The following HMCN2 variants were observed in gnomAD, a reference collection of about 807,000 sequenced individuals.
HMCN2 encodes the protein hemicentin-2.
In HMCN2, 325 loss-of-function variants were observed where a neutral mutation model predicts 377.5. The observed-to-expected ratio is 0.86, with a 90% CI of 0.79 to 0.94. The LOEUF (loss-of-function observed/expected upper bound fraction) is 0.94, where lower values mean the gene tolerates loss of function less well. Ranked by LOEUF, HMCN2 falls within the 40% of genes least tolerant of loss-of-function variation. The pLI, the probability that HMCN2 is intolerant of heterozygous loss-of-function variation, is 0.00. For synonymous variants in HMCN2, 2,007 were observed against 2,046.8 expected (o/e 0.98, Z 0.53); for missense variants, 4,543 against 4,725.3 (o/e 0.96, Z 1.13).
rs1564871799 is a variant in HMCN2 at position 130,413,590 on chromosome 9, AAGG to A, written c.12961+2943_12961+2945del. On this transcript the variant is annotated intron_variant, in intron 85 of 97. Coordinates refer to ENST00000683500, the MANE Select transcript of HMCN2 (RefSeq NM_001291815.2). ...AGAGCCTCTGAAAAGTAGAGAAAAG[AAGG>A]AGGATAGACTACCGATCTTGGGACC... Among the ~76,000 whole-genome samples, 3 of 151,742 alleles carry A rather than the reference AAGG, an allele frequency of 2.0e-5. 1 individual carries two copies. Among genetic ancestry groups the A allele is most frequent in the African/African-American group, 7.3e-5 (3 of 41,374 alleles).
intron 25 of HMCN2, among the ~76,000 whole-genome samples, chr9:130,343,838 G>A (rs935474950): frequency 3.3e-4 from 50 of 152,212 alleles, no homozygotes; most frequent in Non-Finnish European, 5.6e-4. Flanking sequence ...GGCTCGGAGC[G>A]CTCTGAGGGC....
intron 4 of HMCN2, among the ~76,000 whole-genome samples, chr9:130,289,777 G>A (rs898376062): frequency 2.6e-5 from 4 of 152,164 alleles, no homozygotes; most frequent in Admixed American, 6.5e-5. Flanking sequence ...CGAGTGCCCA[G>A]GGTGCCCAGC....
At position 130,430,496 on chromosome 9, in the gene HMCN2, A is replaced by G; in HGVS notation, c.14539A>G (p.Thr4847Ala). ...GCGGCCCTGGGCCTCGATCCCCGGT[A>G]CCTCCTACCACGCCTGGGTCTCTCT... ...WLRPWASIPG[T>A]SYHAWVSLRP... is the part of the protein sequence containing the mutation. The change falls in exon 95 of 98, where the codon ACC (threonine) becomes GCC (alanine). Residue 4847 changes from threonine to alanine, a missense_variant. Physicochemically the swap from Thr to Ala is moderately conservative, Grantham distance 58 (BLOSUM62 0). Around this residue, in one of 5 missense-constraint regions of HMCN2, gnomAD observed 1,155 missense variants for 1,157.7 expected, o/e 1.00. Transcript: ENST00000683500. 3 of 1,550,400 alleles carry G rather than the reference A, an allele frequency of 1.9e-6. No homozygotes were observed. The highest frequency in any genetic ancestry group is 8.7e-7 in the Non-Finnish European group (1 of 1,146,900).
chr9:130,349,672 C>T lies in HMCN2; in HGVS notation c.4430+9C>T. The T allele has an allele frequency of 7.7e-7, 1 of 1,300,524 alleles. No homozygotes were observed. The highest frequency in any genetic ancestry group is 1.0e-6 in the Non-Finnish European group (1 of 986,412). The allele number at this position is 1,300,524 out of a possible 1,614,324, so 80.6% of individuals were successfully genotyped here. ...TGGACCAAGGACAGGCAGTGAGTGC[C>T]CCCCTCCCCGAGGATGGCGTGTGGT... is the stretch of plus-strand genomic sequence containing the variant. On this transcript the variant is annotated intron_variant, in intron 29 of 97. Transcript: ENST00000683500.
In HMCN2 at chr9:130,398,700, GC is replaced by G. The variant is rs1323995447; in HGVS notation, c.11478del (p.Tyr3827ThrfsTer26). On this transcript the variant is annotated frameshift_variant, in exon 75 of 98. Transcript: ENST00000683500. LOFTEE classifies it high-confidence loss of function. Reference sequence around the variant, plus strand: ...GCTGGACTTCCGCCTGCAGCAGGGCGCCTACCGGTAACGAGCTGGACTTTGC... The same window carrying G: ...GCTGGACTTCCGCCTGCAGCAGGGCGCTACCGGTAACGAGCTGGACTTTGC... The part of the protein sequence containing the change: ...QKLDFRLQQG[A>X]YRLLPSNALL... 1.6e-6 allele frequency: 2 copies of G among 1,289,154 alleles called. No homozygotes were observed. The highest frequency in any genetic ancestry group is 3.0e-5 in the African/African-American group (2 of 65,868). 79.9% of individuals were successfully genotyped at this position (1,289,154 alleles called of 1,614,324 possible).
intron 15 of HMCN2, among the ~76,000 whole-genome samples, chr9:130,318,951 A>C (rs1475495148): frequency 2.6e-5 from 4 of 152,198 alleles, no homozygotes; most frequent in South Asian, 4.1e-4. Context: ...TGGAAATGGC[A>C]GCTGAGTCCC....
chr9:130,397,929 C>G (rs1842683737), intron 74 of HMCN2, among the ~76,000 whole-genome samples: 1 of 151,878 alleles, frequency 6.6e-6, no homozygotes, highest in Non-Finnish European at 1.5e-5. Flanking sequence ...AGGAGGATCA[C>G]TTGATCCCAG....
intron 15 of HMCN2, among the ~76,000 whole-genome samples, chr9:130,312,885 C>G (rs1486842259): frequency 1.3e-5 from 2 of 152,040 alleles, no homozygotes; most frequent in East Asian, 3.9e-4. Flanking sequence ...AGGCTGAACT[C>G]CTGACCTCAG....
At chr9:130,286,480 C>T (rs1428832711) in intron 4 of HMCN2, among the ~76,000 whole-genome samples, 170 bp downstream of exon 4, 5 of 152,214 alleles carry the variant, frequency 3.3e-5, no homozygotes, top group South Asian at 4.1e-4. Flanking sequence ...GCACAGGACG[C>T]GCTGTGCTCA....
intron 23 of HMCN2, among the ~76,000 whole-genome samples, chr9:130,340,769 C>T (rs898613011): frequency 3.9e-5 from 6 of 152,198 alleles, no homozygotes; most frequent in African/African-American, 1.4e-4. Flanking sequence ...CTGCCCACCT[C>T]GGCCTCCCAC....
chr9:130,333,328 G>A (rs1838527013), intron 22 of HMCN2, among the ~76,000 whole-genome samples: 1 of 152,144 alleles, frequency 6.6e-6, no homozygotes. Flanking sequence ...TGCAGCAAAG[G>A]TGTGTGCCGG....
Position 130,384,388 on chromosome 9 carries a change from C to T in HMCN2, c.8846C>T (p.Ala2949Val), listed in dbSNP as rs573657973. 72 of 1,299,038 alleles carry T rather than the reference C, an allele frequency of 5.5e-5. 1 individual carries two copies. In the Middle Eastern group the frequency reaches 1.1e-3, roughly 19 times the overall value. 80.5% of individuals were successfully genotyped at this position (1,299,038 alleles called of 1,614,324 possible). Residue 2949 changes from alanine (A) to valine (V), a missense_variant, in exon 58 of 98, where the codon GCA becomes GTA. This residue lies in a region of HMCN2 where 736 missense variants were observed against 773.2 expected (regional missense o/e 0.95). Transcript: ENST00000683500. ...TLRVQVPPRIAGLDLEQVTAI... is the reference protein window; with the variant it reads ...TLRVQVPPRIVGLDLEQVTAI... ...GTGGGGATAGTCCCGCCACGAATCG[C>T]AGGCCTGGACTTGGAGCAGGTCACT...
In HMCN2 at chr9:130,394,361, G is replaced by A. The variant is rs1271609764; in HGVS notation, c.10502-24G>A. The A allele has an allele frequency of 2.3e-6, 3 of 1,278,788 alleles. No individual in the cohort carries two copies. In the African/African-American group the frequency reaches 4.6e-5, roughly 19 times the overall value. 79.2% of individuals were successfully genotyped at this position (1,278,788 alleles called of 1,614,324 possible). ...TCCCGGAAATGTGTGTCAATTGTGT[G>A]TTCCCCTCCATGGTGGCTTGCAGAG... On this transcript the variant is annotated intron_variant, in intron 68 of 97. Transcript: ENST00000683500. The surrounding 1 kb of genome is among the most constrained non-coding windows in gnomAD (Gnocchi z 5.1).
chr9:130,281,320 A>G (rs1554925599), intron 1 of HMCN2, among the ~76,000 whole-genome samples: 2 of 152,016 alleles, frequency 1.3e-5, no homozygotes, highest in Non-Finnish European at 2.9e-5. Flanking sequence ...TCTCCTCTGT[A>G]AAAATGTGGG....
chr9:130,341,823 A>T (rs1230853476), intron 24 of HMCN2, among the ~76,000 whole-genome samples: 8 of 152,072 alleles, frequency 5.3e-5, no homozygotes, highest in Non-Finnish European at 1.2e-4. Context: ...TGTGTGAAGC[A>T]CCTGGCGCAT....
intron 66 of HMCN2, among the ~76,000 whole-genome samples, 156 bp downstream of exon 66, chr9:130,392,274 A>C (rs1188448418): frequency 6.6e-6 from 1 of 152,194 alleles, no homozygotes; most frequent in Non-Finnish European, 1.5e-5. Context: ...TAATGCTAGG[A>C]TGGGTCTCAG....
intron 31 of HMCN2, among the ~76,000 whole-genome samples, chr9:130,353,919 C>T (rs1839878280): frequency 6.6e-6 from 1 of 152,078 alleles, no homozygotes; most frequent in Non-Finnish European, 1.5e-5. Context: ...CGTGGGGAGT[C>T]ACTTTGGGAG....
chr9:130,332,344 C>T (rs945580253), intron 22 of HMCN2, among the ~76,000 whole-genome samples: 10 of 152,206 alleles, frequency 6.6e-5, no homozygotes, highest in Admixed American at 4.6e-4. Flanking sequence ...TCGCTGTGCC[C>T]TGGCCAGCTC....
intron 39 of HMCN2, among the ~76,000 whole-genome samples, chr9:130,362,524 C>A (rs1046537169): frequency 2.6e-5 from 4 of 152,244 alleles, no homozygotes; most frequent in African/African-American, 9.6e-5. Flanking sequence ...ATTTTATATT[C>A]TTCTTTTCAT....
Sources: gnomAD v4.1 joint callset for allele counts (sites outside exome capture counted in the v4.1 genomes callset) on GRCh38, gnomAD v4.1.1 for gene constraint, gnomAD v4.1.1 regional missense constraint, Gnocchi (gnomAD v3.1) non-coding constraint, MANE v1.5 for transcripts, NCBI Gene and HGNC (gene_info 2026-07-23, HGNC 2026-07-21) for gene names.